The following MTCL1 variants were observed in gnomAD, a reference collection of about 807,000 sequenced individuals.
The protein encoded by MTCL1 is microtubule cross-linking factor 1.
MTCL1 carries 79 observed loss-of-function variants against 141.4 expected under a neutral mutation model. The observed-to-expected ratio is 0.56, with a 90% CI of 0.47 to 0.67. The LOEUF is 0.67. Among genes scored for constraint, MTCL1 ranks in the 30% least tolerant of loss-of-function variants. The probability of loss-of-function intolerance (pLI) is 0.00; values close to 1 mark genes in which losing one functional copy is unlikely to be tolerated. For missense variants in MTCL1, 2,177 were observed against 2,113.9 expected (o/e 1.03, Z -0.59); for synonymous variants, 914 against 875.8 (o/e 1.04, Z -0.77).
intron 4 of MTCL1, among the ~76,000 whole-genome samples, chr18:8,741,894 C>G (rs991492671): frequency 1.3e-5 from 2 of 152,188 alleles, no homozygotes; most frequent in Admixed American, 1.3e-4. Context: ...TGGGCATCCT[C>G]TGGCAGAAGA....
At chr18:8,726,686 T>C (rs929713763) in intron 4 of MTCL1, among the ~76,000 whole-genome samples, 2 of 152,090 alleles carry the variant, frequency 1.3e-5, no homozygotes, top group Non-Finnish European at 2.9e-5. Flanking sequence ...GCATAAACGT[T>C]CAGTCCATAA....
At chr18:8,785,677 T>G in intron 6 of MTCL1, 10 of 461,460 alleles carry the variant, frequency 2.2e-5, no homozygotes, top group East Asian at 4.0e-5. Context: ...CACTTTCTCT[T>G]TTTGCTTTTC....
At chr18:8,797,111 G>A (rs1048075999) in intron 9 of MTCL1, among the ~76,000 whole-genome samples, 4 of 152,152 alleles carry the variant, frequency 2.6e-5, no homozygotes, top group Non-Finnish European at 4.4e-5. Flanking sequence ...TTCCGCTCCC[G>A]TCTCCTTTGC....
intron 4 of MTCL1, among the ~76,000 whole-genome samples, chr18:8,753,693 C>G (rs761800847): frequency 2.6e-5 from 4 of 152,218 alleles, no homozygotes; most frequent in African/African-American, 4.8e-5. Flanking sequence ...AGCAAGCCTG[C>G]TCTTTGTTGC....
At chr18:8,796,187 A>G (rs1598707639) in intron 8 of MTCL1, 45 bp from the exon 8 acceptor site, 10 of 1,599,790 alleles carry the variant, frequency 6.3e-6, no homozygotes, top group Non-Finnish European at 8.6e-6. Context: ...TGGGTGGCGG[A>G]TTGGATTAGC....
intron 4 of MTCL1, among the ~76,000 whole-genome samples, chr18:8,745,433 A>G (rs963566814): frequency 6.6e-6 from 1 of 152,162 alleles, no homozygotes; most frequent in African/African-American, 2.4e-5. Context: ...ACTTGGCGGT[A>G]TGCTTGTGAC....
intron 4 of MTCL1, among the ~76,000 whole-genome samples, chr18:8,728,639 T>A (rs1473500421): frequency 6.6e-6 from 1 of 151,990 alleles, no homozygotes; most frequent in East Asian, 1.9e-4. Flanking sequence ...AAATTTTCTC[T>A]GAATTGTATT....
At chr18:8,723,293 C>T (rs1186176878) in intron 4 of MTCL1, among the ~76,000 whole-genome samples, 1 of 152,192 alleles carries the variant, frequency 6.6e-6, no homozygotes, top group African/African-American at 2.4e-5. Context: ...ATGCCAGCTG[C>T]TATCTTTGTG....
At position 8,705,742 on chromosome 18, in the gene MTCL1, C is replaced by G. The variant is rs1000002519; in HGVS notation, c.82C>G (p.His28Asp). 846 of 1,204,978 alleles carry G rather than the reference C, an allele frequency of 7.0e-4. No homozygotes were observed. Among genetic ancestry groups the G allele is most frequent in the Non-Finnish European group, 8.3e-4 (806 of 970,238 alleles). The allele number at this position is 1,204,978 out of a possible 1,614,324, so 74.6% of individuals were successfully genotyped here. A position where few individuals can be genotyped will look rare whatever the true frequency, so the allele number is the denominator to read the frequency against. Residue 28 changes from histidine to aspartate, a missense_variant, in exon 1 of 14, where the codon CAC becomes GAC. Transcript: ENST00000306329. This position sits in a 1 kb window ranked among gnomAD's most constrained non-coding sequence, Gnocchi z 5.2. ...GCCCGGCCAGCACCACCGCCACCAC[C>G]ACCTCCACCCGGTGGCCGAAAGGCG...
intron 1 of MTCL1, chr18:8,707,043 T>G: frequency 4.0e-6 from 1 of 247,522 alleles, no homozygotes; most frequent in Non-Finnish European, 7.8e-6. Context: ...GACGCCCCCA[T>G]CCCCGCTCAG....
intron 4 of MTCL1, among the ~76,000 whole-genome samples, chr18:8,764,111 TAGAG>T (rs1161425939): frequency 1.3e-5 from 2 of 152,128 alleles, no homozygotes; most frequent in Non-Finnish European, 1.5e-5. Flanking sequence ...GTTTTTCTCC[TAGAG>T]AGAGAAGAAA....
intron 12 of MTCL1, among the ~76,000 whole-genome samples, chr18:8,813,604 T>C (rs1395033688): frequency 6.6e-6 from 1 of 152,178 alleles, no homozygotes; most frequent in African/African-American, 2.4e-5. Flanking sequence ...AACTTTTAAG[T>C]TTGCCACTAA....
exon 1 of MTCL1, chr18:8,706,636 C>G: frequency 6.5e-7 from 1 of 1,546,364 alleles, no homozygotes; most frequent in Non-Finnish European, 8.7e-7. Flanking sequence ...CGAGCAGTCT[C>G]GGCTCGTGCC....
intron 4 of MTCL1, among the ~76,000 whole-genome samples, chr18:8,750,084 C>T (rs1260432245): frequency 6.7e-6 from 1 of 148,564 alleles, no homozygotes; most frequent in African/African-American, 2.6e-5. Flanking sequence ...CATTCCATCA[C>T]CCAGGCTGGA....
chr18:8,785,999 C>T, exon 7 of MTCL1: 2 of 1,607,470 alleles, frequency 1.2e-6, no homozygotes, highest in Non-Finnish European at 1.7e-6. Flanking sequence ...GCGGGAGAGC[C>T]TGCGCCTCCG....
intron 3 of MTCL1, 155 bp from the exon 3 acceptor site, chr18:8,720,183 C>T: frequency 1.5e-6 from 1 of 671,524 alleles, no homozygotes; most frequent in South Asian, 2.2e-5. Flanking sequence ...TGAATCTCCT[C>T]CTCCTTTTAA....
At chr18:8,805,946 T>C (rs1434639130) in intron 10 of MTCL1, among the ~76,000 whole-genome samples, 1 of 152,180 alleles carries the variant, frequency 6.6e-6, no homozygotes, top group Non-Finnish European at 1.5e-5. Context: ...AAGACAGAAA[T>C]CATGGCTTTG....
At chr18:8,759,740 T>C (rs1203176445) in intron 4 of MTCL1, among the ~76,000 whole-genome samples, 1 of 152,210 alleles carries the variant, frequency 6.6e-6, no homozygotes, top group East Asian at 1.9e-4. Flanking sequence ...TGTCAACGTG[T>C]TATTATAATA....
intron 13 of MTCL1, 124 bp downstream of exon 12, chr18:8,819,383 C>T (rs757674042): frequency 5.6e-5 from 52 of 921,110 alleles, no homozygotes; most frequent in Middle Eastern, 3.4e-4. Context: ...CAGCAACCTC[C>T]GAATTGAGTA....
Sources: gnomAD v4.1 joint callset for allele counts (sites outside exome capture counted in the v4.1 genomes callset) on GRCh38, gnomAD v4.1.1 for gene constraint, Gnocchi (gnomAD v3.1) non-coding constraint, MANE v1.5 for transcripts, NCBI Gene and HGNC (gene_info 2026-07-23, HGNC 2026-07-21) for gene names.